KIAA1217: variants seen among roughly 807,000 people sequenced by gnomAD.
The protein encoded by KIAA1217 is KIAA1217.
A neutral mutation model predicts 163.9 loss-of-function variants in KIAA1217; 88 were observed. That is an observed-to-expected ratio of 0.54 (90% CI 0.45 to 0.64). KIAA1217 has a LOEUF of 0.64. Among genes scored for constraint, KIAA1217 ranks in the 30% least tolerant of loss-of-function variants. KIAA1217 has a pLI of 0.00. For missense variants in KIAA1217, 2,372 were observed against 2,475.0 expected (o/e 0.96, Z 0.88); for synonymous variants, 903 against 923.1 (o/e 0.98, Z 0.39).
chr10:23,855,875 G>A (rs1839631448), intron 1 of KIAA1217, among the ~76,000 whole-genome samples: 1 of 151,996 alleles, frequency 6.6e-6, no homozygotes, highest in Non-Finnish European at 1.5e-5. Flanking sequence ...GCTCCTTTAA[G>A]CACTTCTCTG....
intron 1 of KIAA1217, among the ~76,000 whole-genome samples, chr10:23,814,826 A>T (rs1837242326): frequency 6.6e-6 from 1 of 152,100 alleles, no homozygotes; most frequent in Non-Finnish European, 1.5e-5. Flanking sequence ...AACCAAAAAA[A>T]AAAATCACTT....
At chr10:24,073,966 A>T (rs1323269749) in intron 2 of KIAA1217, among the ~76,000 whole-genome samples, 1 of 152,026 alleles carries the variant, frequency 6.6e-6, no homozygotes, top group Non-Finnish European at 1.5e-5. Flanking sequence ...CTGGGGATAC[A>T]TTGTGTACTG....
At chr10:24,478,903 A>G (rs2064333665) in intron 6 of KIAA1217, among the ~76,000 whole-genome samples, 1 of 152,226 alleles carries the variant, frequency 6.6e-6, no homozygotes, top group African/African-American at 2.4e-5. Flanking sequence ...TGCTTATCGC[A>G]AAGTGACTAC....
intron 1 of KIAA1217, among the ~76,000 whole-genome samples, chr10:23,784,298 T>C (rs181702082): frequency 2.0e-5 from 3 of 152,314 alleles, no homozygotes; most frequent in Non-Finnish European, 4.4e-5. Flanking sequence ...GAATTTTTTT[T>C]AATACCTTCA....
intron 2 of KIAA1217, among the ~76,000 whole-genome samples, chr10:24,061,755 T>A (rs2060731101): frequency 6.6e-6 from 1 of 152,214 alleles, no homozygotes; most frequent in African/African-American, 2.4e-5. Context: ...CCATTGAAAA[T>A]CTTCTCAAAG....
intron 2 of KIAA1217, among the ~76,000 whole-genome samples, chr10:24,041,688 C>T (rs1362150975): frequency 6.6e-6 from 1 of 152,130 alleles, no homozygotes; most frequent in Non-Finnish European, 1.5e-5. Context: ...CTGTAAACAG[C>T]AGGAGAAGTA....
chr10:23,758,352 GA>G (rs35903933), intron 1 of KIAA1217, among the ~76,000 whole-genome samples: 8,956 of 152,138 alleles, frequency 0.059, 460 homozygotes, highest in African/African-American at 0.13. Context: ...ACTCTTATTG[GA>G]AATCATTTGA....
intron 6 of KIAA1217, among the ~76,000 whole-genome samples, chr10:24,474,934 C>T (rs1304518291): frequency 6.6e-6 from 1 of 152,132 alleles, no homozygotes; most frequent in Non-Finnish European, 1.5e-5. Flanking sequence ...AATAAGATGT[C>T]CAGGCCAAGT....
In KIAA1217 at chr10:24,138,055, A is replaced by G. The variant is rs76064664; in HGVS notation, c.-170-81571A>G. ...GAAAAATGAAAGATAAACACTATGA[A>G]CGTATAGTAGCATAAGGTTCTTTCC... On this transcript the variant is annotated intron_variant, in intron 2 of 18. Transcript: ENST00000376462. 1.0e-3 allele frequency among the ~76,000 whole-genome samples: 155 copies of G among 152,372 alleles called. 2 individuals carry two copies. In the East Asian group the frequency reaches 0.012, roughly 12 times the overall value.
intron 2 of KIAA1217, among the ~76,000 whole-genome samples, chr10:24,288,853 T>C (rs929623382): frequency 4.6e-5 from 7 of 152,210 alleles, no homozygotes; most frequent in African/African-American, 1.2e-4. Context: ...CTTAATCCTG[T>C]AGGCACTGGG....
intron 1 of KIAA1217, among the ~76,000 whole-genome samples, chr10:23,906,084 A>G (rs1169906373): frequency 6.6e-6 from 1 of 152,038 alleles, no homozygotes; most frequent in Non-Finnish European, 1.5e-5. Flanking sequence ...GGGCCCAGCT[A>G]ATTCTCTCCA....
chr10:24,035,526 G>A (rs1848355470), intron 2 of KIAA1217, among the ~76,000 whole-genome samples: 1 of 152,112 alleles, frequency 6.6e-6, no homozygotes, highest in African/African-American at 2.4e-5. Context: ...TGATACACTG[G>A]GAAGAGACTA....
In KIAA1217 at chr10:23,988,884, C is replaced by T. The variant is rs545503285; in HGVS notation, c.-320-18341C>T. Among the ~76,000 whole-genome samples, 34 of 152,242 alleles carry T rather than the reference C, an allele frequency of 2.2e-4. No homozygotes were observed. In the East Asian group the frequency reaches 4.8e-3, roughly 22 times the overall value. ...CTTGTCACAATGATTTGTGAATGTG[C>T]TATAAAATTTTACAGACTCTTACCA... On this transcript the variant is annotated intron_variant, in intron 1 of 18. Coordinates refer to the KIAA1217 transcript ENST00000376462.
intron 2 of KIAA1217, among the ~76,000 whole-genome samples, chr10:24,361,587 G>A (rs184268266): frequency 6.6e-6 from 1 of 152,236 alleles, no homozygotes; most frequent in Admixed American, 6.5e-5. Flanking sequence ...TGGTTGCCTG[G>A]TTTTGTTGGT....
In KIAA1217 at chr10:24,543,578, G is replaced by A. The variant is rs763570580; in HGVS notation, c.4308G>A (p.Val1436=). 1.1e-5 allele frequency: 17 copies of A among 1,613,990 alleles called. No homozygotes were observed. Among genetic ancestry groups the A allele is most frequent in the Non-Finnish European group, 1.3e-5 (15 of 1,179,996 alleles). ...QEGTDNEDPV[V]CLDKKPVIII... ...GGACTGACAATGAGGATCCAGTCGT[G>A]TGCCTGGACAAGAAACCAGTGATCA... Residue 1436 remains valine, a synonymous_variant, in exon 19 of 21, where the codon GTG becomes GTA. Transcript: ENST00000376454.
At chr10:24,422,027 C>T (rs536240996) in intron 3 of KIAA1217, among the ~76,000 whole-genome samples, 9 of 152,268 alleles carry the variant, frequency 5.9e-5, no homozygotes, top group African/African-American at 2.2e-4. Context: ...GGGGAGGCCT[C>T]ATAATCATGG....
intron 1 of KIAA1217, among the ~76,000 whole-genome samples, chr10:23,809,574 GTAAT>G (rs748778491): frequency 9.2e-5 from 14 of 151,928 alleles, no homozygotes; most frequent in Non-Finnish European, 1.6e-4. Flanking sequence ...AAACAGGTAA[GTAAT>G]CACTGTAACT....
At chr10:23,866,282 A>T (rs1425236797) in intron 1 of KIAA1217, among the ~76,000 whole-genome samples, 2 of 152,098 alleles carry the variant, frequency 1.3e-5, no homozygotes, top group Non-Finnish European at 2.9e-5. Flanking sequence ...TGCCATCATC[A>T]TAGTTGCTTC....
chr10:24,168,294 TATAAG>T (rs1169789836), intron 2 of KIAA1217, among the ~76,000 whole-genome samples: 61 of 152,190 alleles, frequency 4.0e-4, no homozygotes, highest in African/African-American at 1.5e-3. Context: ...AAAGCTTACT[TATAAG>T]GAGGGAATAT....
Sources: allele counts gnomAD v4.1 joint callset (sites outside exome capture counted in the v4.1 genomes callset), GRCh38; gene constraint gnomAD v4.1.1; transcripts MANE v1.5; gene names NCBI Gene and HGNC (gene_info 2026-07-23, HGNC 2026-07-21).